Variants in PAK1 observed in about 807,000 individuals in gnomAD.
PAK1 encodes the protein p21 (RAC1) activated kinase 1.
A neutral mutation model predicts 67.4 loss-of-function variants in PAK1; 29 were observed. That is an observed-to-expected ratio of 0.43 (90% CI 0.32 to 0.59). PAK1 has a LOEUF of 0.59. Among genes scored for constraint, PAK1 ranks in the 20% least tolerant of loss-of-function variants. PAK1 has a pLI of 0.07. For missense variants in PAK1, 337 were observed against 670.7 expected (o/e 0.50, Z 5.50); for synonymous variants, 223 against 237.4 (o/e 0.94, Z 0.56).
chr11:77,407,864 G>A (rs1250330887), intron 1 of PAK1, among the ~76,000 whole-genome samples: 1 of 152,194 alleles, frequency 6.6e-6, no homozygotes, highest in Admixed American at 6.5e-5. Flanking sequence ...CCAAGGTAAT[G>A]AGTGTTTGTT....
chr11:77,343,589 G>A (rs1276120134), intron 10 of PAK1, among the ~76,000 whole-genome samples: 1 of 152,176 alleles, frequency 6.6e-6, no homozygotes, highest in Non-Finnish European at 1.5e-5. Context: ...AACAGTACGA[G>A]GATCAACTGT....
At chr11:77,506,929 G>A in the PAK1 span, among the ~76,000 whole-genome samples, 1 of 152,166 alleles carries the variant, frequency 6.6e-6, no homozygotes, top group Non-Finnish European at 1.5e-5. Context: ...CATCCAAGGA[G>A]CGTGATTTAA....
Position 77,403,968 on chromosome 11 carries a change from T to C in PAK1, c.-21-11427A>G, listed in dbSNP as rs552086511. ...AGTTATCAAGAGAGTGGGTTCCTGATCAAAAGGATGAGTTCACCCCCACTT... is the reference window on the plus strand; with the variant it reads ...AGTTATCAAGAGAGTGGGTTCCTGACCAAAAGGATGAGTTCACCCCCACTT... On this transcript the variant is annotated intron_variant, in intron 1 of 14. Transcript: ENST00000356341. 3.3e-5 allele frequency among the ~76,000 whole-genome samples: 5 copies of C among 152,204 alleles called. No individual in the cohort carries two copies. The East Asian group carries it at 7.7e-4, about 24-fold the overall frequency.
intron 1 of PAK1, among the ~76,000 whole-genome samples, chr11:77,455,571 AG>A (rs1421033947): frequency 1.3e-5 from 1 of 74,304 alleles, no homozygotes; most frequent in Non-Finnish European, 2.7e-5. Flanking sequence ...TGTTCCTGGA[AG>A]CCCAGCCGGG....
chr11:77,360,447 G>A (rs948451392), intron 5 of PAK1, among the ~76,000 whole-genome samples: 2 of 152,126 alleles, frequency 1.3e-5, no homozygotes, highest in African/African-American at 4.8e-5. Context: ...GTCAAAATAT[G>A]TATTTCGATA....
chr11:77,389,586 G>T (rs1950880759), intron 2 of PAK1, among the ~76,000 whole-genome samples: 2 of 152,110 alleles, frequency 1.3e-5, no homozygotes, highest in South Asian at 4.1e-4. Context: ...TTGTGGTTTT[G>T]ATTTGCATTT....
At chr11:77,457,852 G>A (rs1957148930) in intron 1 of PAK1, among the ~76,000 whole-genome samples, 3 of 152,212 alleles carry the variant, frequency 2.0e-5, no homozygotes, top group Admixed American at 2.0e-4. Flanking sequence ...AACAAAGCAT[G>A]ACAGTCAAAT....
chr11:77,486,834 T>C, the PAK1 span, among the ~76,000 whole-genome samples: 1 of 151,070 alleles, frequency 6.6e-6, no homozygotes, highest in African/African-American at 2.4e-5. Flanking sequence ...TGGGCTAAAA[T>C]GCTCTGGGGT....
chr11:77,328,788 C>A (rs1014960170), intron 14 of PAK1, among the ~76,000 whole-genome samples: 1 of 152,050 alleles, frequency 6.6e-6, no homozygotes, highest in African/African-American at 2.4e-5. Context: ...AAGATCAGAG[C>A]AGAACTGAAG....
upstream of PAK1, among the ~76,000 whole-genome samples, chr11:77,478,678 G>C (rs1461351784): frequency 1.3e-5 from 2 of 152,034 alleles, no homozygotes; most frequent in African/African-American, 2.4e-5. Flanking sequence ...TGCTAGGGAG[G>C]CTGAGGCAGG....
the PAK1 span, among the ~76,000 whole-genome samples, chr11:77,523,840 A>G: frequency 3.3e-5 from 5 of 152,322 alleles, no homozygotes; most frequent in Admixed American, 2.0e-4. Flanking sequence ...AAATTTTTCA[A>G]TCTGGTGAAG....
chr11:77,377,439 C>CAT (rs1225120564), intron 4 of PAK1, among the ~76,000 whole-genome samples: 2 of 152,114 alleles, frequency 1.3e-5, no homozygotes, highest in African/African-American at 2.4e-5. Context: ...TTCTTGCATA[C>CAT]ATATATATAC....
chr11:77,452,886 G>A (rs1956918207), intron 1 of PAK1, among the ~76,000 whole-genome samples: 1 of 152,138 alleles, frequency 6.6e-6, no homozygotes, highest in Non-Finnish European at 1.5e-5. Flanking sequence ...CTCTTCCTAG[G>A]TTGGCACATC....
At chr11:77,372,637 TA>T (rs1361898991) in intron 5 of PAK1, among the ~76,000 whole-genome samples, 1 of 152,316 alleles carries the variant, frequency 6.6e-6, no homozygotes, top group South Asian at 2.1e-4. Context: ...TCATCACCTT[TA>T]AGATAAGTCA....
At chr11:77,476,247 T>C (rs1047268848), upstream of PAK1, 2 of 152,250 alleles carry the variant, frequency 1.3e-5, no homozygotes, top group Non-Finnish European at 2.9e-5. Context: ...TTACAAACAC[T>C]GTCTTTAAAC....
At chr11:77,384,105 C>A (rs773585354) in intron 2 of PAK1, among the ~76,000 whole-genome samples, 4 of 152,058 alleles carry the variant, frequency 2.6e-5, no homozygotes, top group Non-Finnish European at 5.9e-5. Flanking sequence ...AGGGGTTAGC[C>A]AGACCGAGAT....
At chr11:77,381,288 A>G (rs2137132800) in intron 2 of PAK1, among the ~76,000 whole-genome samples, 1 of 152,266 alleles carries the variant, frequency 6.6e-6, no homozygotes, top group Admixed American at 6.5e-5. Context: ...CTGTGAATCT[A>G]TGAAAACAAG....
At chr11:77,515,057 T>C in the PAK1 span, 2 of 152,230 alleles carry the variant, frequency 1.3e-5, no homozygotes, top group African/African-American at 4.8e-5. Context: ...CATTACCTAA[T>C]TGAATAGCAA....
At chr11:77,332,581 A>C (rs1941893576) in intron 14 of PAK1, 149 bp downstream of exon 14, 1 of 654,506 alleles carries the variant, frequency 1.5e-6, no homozygotes, top group African/African-American at 1.8e-5. Flanking sequence ...AGGCCCAGGG[A>C]TAAAAGGGCA....
Sources: gnomAD v4.1 joint callset for allele counts (sites outside exome capture counted in the v4.1 genomes callset) on GRCh38, gnomAD v4.1.1 for gene constraint, MANE v1.5 for transcripts, NCBI Gene and HGNC (gene_info 2026-07-23, HGNC 2026-07-21) for gene names.